The following SLC2A9 variants were observed in gnomAD, a reference collection of about 807,000 sequenced individuals.
The protein encoded by SLC2A9 is solute carrier family 2, facilitated glucose transporter member 9.
SLC2A9 carries 39 observed loss-of-function variants against 50.6 expected under a neutral mutation model. The ratio of observed to expected loss-of-function variants is 0.77; its 90% CI spans 0.60 to 1.01. SLC2A9 has a LOEUF of 1.01. SLC2A9 is among the 50% of genes least tolerant of loss of function. The probability of loss-of-function intolerance (pLI) is 0.00; values close to 1 mark genes in which losing one functional copy is unlikely to be tolerated. For synonymous variants in SLC2A9, 324 were observed against 276.9 expected (o/e 1.17, Z -1.69); for missense variants, 686 against 677.6 (o/e 1.01, Z -0.14).
chr4:10,019,069 C>G lies in SLC2A9; in HGVS notation c.155G>C (p.Trp52Ser), dbSNP rs547994251. 2 of 1,551,228 alleles carry G rather than the reference C, an allele frequency of 1.3e-6. No homozygotes were observed. The highest frequency in any genetic ancestry group is 2.4e-5 in the South Asian group (2 of 84,050). ...GGAGGCCACGAGGAGCGAGCAGGAC[C>G]AGTCCTGAGGGGAGAGGAAACCACG... ...GVPGGRRRKD[W>S]SCSLLVASLA... Residue 52 changes from tryptophan (W) to serine (S), a missense_variant, in exon 2 of 12, where the codon TGG becomes TCG. Trp to Ser is a radical substitution (Grantham distance 177). Transcript: ENST00000264784.
chr4:10,031,559 C>T (rs547568858), intron 1 of SLC2A9, among the ~76,000 whole-genome samples: 1 of 152,332 alleles, frequency 6.6e-6, no homozygotes, highest in East Asian at 1.9e-4. Flanking sequence ...TTGACGGCTT[C>T]CAAAGCATCG....
At chr4:10,009,990 G>A (rs1370457879) in intron 2 of SLC2A9, among the ~76,000 whole-genome samples, 5 of 152,174 alleles carry the variant, frequency 3.3e-5, no homozygotes, top group Non-Finnish European at 2.9e-5. Flanking sequence ...GTTATTCATG[G>A]CAGACCTCTC....
intron 10 of SLC2A9, among the ~76,000 whole-genome samples, chr4:9,883,810 C>T (rs1165604376): frequency 6.6e-6 from 1 of 152,200 alleles, no homozygotes; most frequent in African/African-American, 2.4e-5. Context: ...CAAATACGTC[C>T]TGACAACCTT....
At chr4:9,889,254 G>C (rs1369840299) in intron 9 of SLC2A9, among the ~76,000 whole-genome samples, 1 of 152,118 alleles carries the variant, frequency 6.6e-6, no homozygotes, top group Non-Finnish European at 1.5e-5. Flanking sequence ...AAGAGCCCTA[G>C]GAGAGGAAAC....
intron 3 of SLC2A9, among the ~76,000 whole-genome samples, chr4:9,791,231 T>C (rs186559239): frequency 8.8e-4 from 134 of 152,354 alleles, no homozygotes; most frequent in African/African-American, 2.0e-3. Flanking sequence ...TAAGCATTTG[T>C]TGAATAAATA....
intron 6 of SLC2A9, among the ~76,000 whole-genome samples, chr4:9,935,302 TG>T (rs1746861670): frequency 6.6e-6 from 1 of 152,212 alleles, no homozygotes. Flanking sequence ...TATTTCTTAC[TG>T]GGGGGTTTTG....
chr4:9,967,585 A>T (rs942459611), intron 5 of SLC2A9, among the ~76,000 whole-genome samples: 1 of 151,944 alleles, frequency 6.6e-6, no homozygotes, highest in African/African-American at 2.4e-5. Flanking sequence ...ATTTAAAAAT[A>T]ATTTTTTTAA....
intron 10 of SLC2A9, among the ~76,000 whole-genome samples, chr4:9,870,099 C>A (rs565533103): frequency 4.6e-5 from 7 of 152,316 alleles, no homozygotes; most frequent in African/African-American, 1.7e-4. Context: ...CTGCCAGAGG[C>A]CAGGAGAGGC....
At chr4:9,771,440 C>G (rs540281758) in intron 1 of SLC2A9, 5 of 398,884 alleles carry the variant, frequency 1.3e-5, no homozygotes. Context: ...CTGCAGCACT[C>G]TGCTCACATT....
chr4:9,771,204 A>G (rs1163287099), exon 2 of SLC2A9: 1 of 329,578 alleles, frequency 3.0e-6, no homozygotes, highest in Non-Finnish European at 5.5e-6. Flanking sequence ...ACTTAATGCT[A>G]GGCTAAGCTG....
downstream of SLC2A9, among the ~76,000 whole-genome samples, chr4:9,826,027 A>G (rs1725075040): frequency 6.6e-6 from 1 of 152,162 alleles, no homozygotes; most frequent in African/African-American, 2.4e-5. Flanking sequence ...ATCAGACCAA[A>G]TTGATTTTTC....
intron 3 of SLC2A9, among the ~76,000 whole-genome samples, chr4:9,817,167 G>A (rs1331638475): frequency 6.6e-6 from 1 of 152,090 alleles, no homozygotes; most frequent in African/African-American, 2.4e-5. Flanking sequence ...TGAGGACATT[G>A]GGTTTACCCA....
Position 10,029,548 on chromosome 4 carries a change from A to AATATTTTATTTTATTT in SLC2A9, c.-40-3543_-40-3542insAAATAAAATAAAATAT, listed in dbSNP as rs1560510174. On this transcript the variant is annotated intron_variant, in intron 1 of 12. Coordinates refer to the SLC2A9 transcript ENST00000309065. ...TTGTTGGACAAGAGGAATTTTTTAAATATTTTATTTTATTTTATTTATTTT... is the reference window on the plus strand; with the variant it reads ...TTGTTGGACAAGAGGAATTTTTTAAAATATTTTATTTTATTTTATTTTATTTTATTTTATTTATTTT... Among the ~76,000 whole-genome samples the AATATTTTATTTTATTT allele has an allele frequency of 5.0e-3, 630 of 125,238 alleles. 6 individuals carry two copies. The highest frequency in any genetic ancestry group is 0.021 in the African/African-American group (585 of 27,484). The allele number at this position is 125,238 out of a possible 152,430, so 82.2% of individuals were successfully genotyped here. A position where few individuals can be genotyped will look rare whatever the true frequency, so the allele number is the denominator to read the frequency against.
intron 3 of SLC2A9, among the ~76,000 whole-genome samples, chr4:9,791,506 A>T (rs1212938742): frequency 6.6e-6 from 1 of 152,052 alleles, no homozygotes; most frequent in African/African-American, 2.4e-5. Flanking sequence ...AAGGGGGAGG[A>T]GATTTTTAGG....
At chr4:9,829,757 A>T (rs1269627865) in intron 11 of SLC2A9, among the ~76,000 whole-genome samples, 4 of 152,196 alleles carry the variant, frequency 2.6e-5, no homozygotes, top group Non-Finnish European at 4.4e-5. Flanking sequence ...AAAACATATG[A>T]AAAAAAGCTC....
At chr4:9,799,535 A>T (rs1721041943) in intron 3 of SLC2A9, among the ~76,000 whole-genome samples, 1 of 152,108 alleles carries the variant, frequency 6.6e-6, no homozygotes, top group Admixed American at 6.6e-5. Flanking sequence ...CACCTCTTAA[A>T]ACTATCACCT....
At chr4:9,804,692 C>T (rs1410898744) in intron 3 of SLC2A9, among the ~76,000 whole-genome samples, 1 of 152,124 alleles carries the variant, frequency 6.6e-6, no homozygotes, top group African/African-American at 2.4e-5. Context: ...TTCTTTAATC[C>T]TCCCATCTGC....
At chr4:9,977,199 A>T (rs919227213) in intron 5 of SLC2A9, among the ~76,000 whole-genome samples, 8 of 152,186 alleles carry the variant, frequency 5.3e-5, no homozygotes, top group Non-Finnish European at 1.2e-4. Flanking sequence ...GGGTACAAAT[A>T]AGCCTTCACA....
chr4:10,002,110 C>T (rs910434543), intron 2 of SLC2A9, among the ~76,000 whole-genome samples: 5 of 152,176 alleles, frequency 3.3e-5, no homozygotes, highest in South Asian at 2.1e-4. Context: ...CCTGTGCCAG[C>T]GGTGCAGTCA....
Sources: gnomAD v4.1 joint callset for allele counts (sites outside exome capture counted in the v4.1 genomes callset) on GRCh38, gnomAD v4.1.1 for gene constraint, MANE v1.5 for transcripts, NCBI Gene and HGNC (gene_info 2026-07-23, HGNC 2026-07-21) for gene names.